The following DGCR8 variants were observed in gnomAD, a reference collection of about 807,000 sequenced individuals.
The protein encoded by DGCR8 is DGCR8 microprocessor complex subunit.
In DGCR8, 14 loss-of-function variants were observed where a neutral mutation model predicts 78.5. That is an observed-to-expected ratio of 0.18 (90% confidence interval 0.12 to 0.28). The LOEUF is 0.28. Among genes scored for constraint, DGCR8 ranks in the 10% least tolerant of loss-of-function variants. The pLI is 1.00. For missense variants in DGCR8, 702 were observed against 1,022.5 expected (o/e 0.69, Z 4.28); for synonymous variants, 399 against 402.4 (o/e 0.99, Z 0.10).
chr22:20,093,475 C>T (rs1340843972), intron 8 of DGCR8, among the ~76,000 whole-genome samples: 1 of 152,116 alleles, frequency 6.6e-6, no homozygotes, highest in Non-Finnish European at 1.5e-5. Context: ...AGTCCTGGCC[C>T]TGCACATATT....
In DGCR8 at chr22:20,110,861, T is replaced by A. The variant is rs569220276; in HGVS notation, c.*753T>A. The A allele has an allele frequency of 2.5e-5, 6 of 242,050 alleles. No individual in the cohort carries two copies. Among genetic ancestry groups the A allele is most frequent in the South Asian group, 3.5e-4 (2 of 5,636 alleles). The allele number at this position is 242,050 out of a possible 1,614,324, so 15.0% of individuals were successfully genotyped here. On this transcript the variant is annotated 3_prime_UTR_variant, in exon 14 of 14. Transcript: ENST00000351989. The stretch of plus-strand genomic sequence containing the variant: ...TCCCTAAAAGCGCCTCTTTGGACAC[T>A]GAGGCCCTCTCTGCCTTTCCTGGCC...
At position 20,089,089 on chromosome 22, in the gene DGCR8, G is replaced by T. The variant is rs1472783256; in HGVS notation, c.881-580G>T. Among the ~76,000 whole-genome samples, 1 of 152,244 alleles carries T rather than the reference G, an allele frequency of 6.6e-6. No homozygotes were observed. Among genetic ancestry groups the T allele is most frequent in the Non-Finnish European group, 1.5e-5 (1 of 68,044 alleles). ...GCCTTACGCTCTTCCCAGCAGTCAG[G>T]CCTGGTGGCAGGTGTCAAGTTGATA... is the stretch of plus-strand genomic sequence containing the variant. On this transcript the variant is annotated intron_variant, in intron 3 of 13. Transcript: ENST00000351989. This position sits in a 1 kb window ranked among gnomAD's most constrained non-coding sequence, Gnocchi z 4.9.
At chr22:20,103,616 G>T (rs567237881) in intron 9 of DGCR8, among the ~76,000 whole-genome samples, 1 of 152,088 alleles carries the variant, frequency 6.6e-6, no homozygotes, top group African/African-American at 2.4e-5. Flanking sequence ...GTTCCCTGCT[G>T]CATCTGTGTT....
chr22:20,089,958 C>G lies in DGCR8; in HGVS notation c.1024-18C>G, dbSNP rs566631196. 2 of 1,597,334 alleles carry G rather than the reference C, an allele frequency of 1.3e-6. No homozygotes were observed. The highest frequency in any genetic ancestry group is 3.4e-5 in the Admixed American group (2 of 58,412). ...CGGGTTGTCCTTGTAATCCATATTG[C>G]AATTTCACTATCCACAGAAACACGA... On this transcript the variant is annotated intron_variant, in intron 4 of 13. Coordinates refer to ENST00000351989, the MANE Select transcript of DGCR8 (RefSeq NM_022720.7). The surrounding 1 kb of genome is among the most constrained non-coding windows in gnomAD (Gnocchi z 4.9).
Position 20,090,162 on chromosome 22 carries a change from C to A in DGCR8, c.1210C>A (p.Pro404Thr), listed in dbSNP as rs754864266. 3.1e-6 allele frequency: 5 copies of A among 1,614,196 alleles called. No individual in the cohort carries two copies. In the Admixed American group the frequency reaches 8.3e-5, roughly 27 times the overall value. ...EPDSMGADPG[P>T]PDEKDPLGAE... ...TGACTCTATGGGTGCTGACCCGGGG[C>A]CCCCGGACGAGAAAGACCCACTAGG... Residue 404 changes from proline (P) to threonine (T), a missense_variant, in exon 5 of 14, where the codon CCC (proline) becomes ACC (threonine). Pro to Thr is a conservative substitution (Grantham distance 38). Around this residue, in one of 4 missense-constraint regions of DGCR8, gnomAD observed 119 missense variants for 126.1 expected, o/e 0.94. Coordinates refer to ENST00000351989, the MANE Select transcript of DGCR8 (RefSeq NM_022720.7).
At chr22:20,098,874 A>G (rs1385912127) in intron 9 of DGCR8, among the ~76,000 whole-genome samples, 1 of 152,202 alleles carries the variant, frequency 6.6e-6, no homozygotes, top group Non-Finnish European at 1.5e-5. Flanking sequence ...CTTGTCTCCA[A>G]ATACTGTTGC....
intron 8 of DGCR8, among the ~76,000 whole-genome samples, chr22:20,094,080 T>G (rs2049598605): frequency 6.6e-6 from 1 of 152,206 alleles, no homozygotes; most frequent in Admixed American, 6.5e-5. Context: ...TGCTCTTCCC[T>G]CTGCGGGATC....
In DGCR8 at chr22:20,089,751, C is replaced by T; in HGVS notation, c.963C>T (p.His321=). Reference sequence around the variant, plus strand: ...ACTCTGGAGTCCCGGTGTACCTACACAGAGAGTCTCGGGTGGTCACCTGGT... The same window carrying T: ...ACTCTGGAGTCCCGGTGTACCTACATAGAGAGTCTCGGGTGGTCACCTGGT... ...FHNSGVPVYL[H]RESRVVTWSR... Residue 321 remains histidine, a synonymous_variant, in exon 4 of 14, where the codon CAC becomes CAT. Transcript: ENST00000351989. This position sits in a 1 kb window ranked among gnomAD's most constrained non-coding sequence, Gnocchi z 4.9. The T allele has an allele frequency of 6.2e-7, 1 of 1,613,980 alleles. No homozygotes were observed. Among genetic ancestry groups the T allele is most frequent in the Non-Finnish European group, 8.5e-7 (1 of 1,180,008 alleles).
rs759153668 is a variant in DGCR8, at chr22:20,092,792, G to C, written c.1607-17G>C. 13 of 1,603,156 alleles carry C rather than the reference G, an allele frequency of 8.1e-6. No homozygotes were observed. The Admixed American group carries it at 2.2e-4, about 27-fold the overall frequency. Reference sequence around the variant, plus strand: ...TCTTGACTCGTATGTTTTAAAACAAGTAATTTTAATTTTAAGAGAACCCAA... The same window carrying C: ...TCTTGACTCGTATGTTTTAAAACAACTAATTTTAATTTTAAGAGAACCCAA... On this transcript the variant is annotated splice_polypyrimidine_tract_variant and intron_variant, in intron 7 of 13. Coordinates refer to ENST00000351989, the MANE Select transcript of DGCR8 (RefSeq NM_022720.7).
chr22:20,083,742 T>C (rs2049444416), intron 1 of DGCR8, among the ~76,000 whole-genome samples: 1 of 152,160 alleles, frequency 6.6e-6, no homozygotes, highest in African/African-American at 2.4e-5. Context: ...TGTGTGGCCC[T>C]GGTCTTCCTT....
chr22:20,107,183 TG>T, intron 11 of DGCR8, 87 bp from the exon 12 acceptor site: 1 of 1,505,806 alleles, frequency 6.6e-7, no homozygotes, highest in Non-Finnish European at 9.2e-7. Flanking sequence ...CCTCGGGGTG[TG>T]GGTCAGGAGG....
chr22:20,083,219 C>T (rs2049437521), intron 1 of DGCR8, among the ~76,000 whole-genome samples: 1 of 152,126 alleles, frequency 6.6e-6, no homozygotes, highest in Non-Finnish European at 1.5e-5. Context: ...TCTTCAGGCG[C>T]TTTCCTTGTT....
chr22:20,086,919 C>T lies in DGCR8; in HGVS notation c.720+236C>T, dbSNP rs1317152676. 1.5e-5 allele frequency: 11 copies of T among 724,538 alleles called. No homozygotes were observed. The highest frequency in any genetic ancestry group is 7.9e-5 in the South Asian group (4 of 50,504). The allele number at this position is 724,538 out of a possible 1,614,324, so 44.9% of individuals were successfully genotyped here. A position where few individuals can be genotyped will look rare whatever the true frequency, so the allele number is the denominator to read the frequency against. On this transcript the variant is annotated intron_variant, in intron 2 of 13. Transcript: ENST00000351989. This position sits in a 1 kb window ranked among gnomAD's most constrained non-coding sequence, Gnocchi z 6.4. ...TAGGCCCTGCATCCCTGATCTAGCGCGTGGGGCAGCAGGTGCTGCTGAGTT... is the reference window on the plus strand; with the variant it reads ...TAGGCCCTGCATCCCTGATCTAGCGTGTGGGGCAGCAGGTGCTGCTGAGTT...
At chr22:20,084,522 G>C (rs910568664) in intron 1 of DGCR8, among the ~76,000 whole-genome samples, 2 of 152,138 alleles carry the variant, frequency 1.3e-5, no homozygotes, top group Non-Finnish European at 2.9e-5. Context: ...CCTCATCTCT[G>C]GGTGGCCTTC....
At position 20,091,562 on chromosome 22, in the gene DGCR8, C is replaced by G; in HGVS notation, c.1434C>G (p.Ser478=). The G allele has an allele frequency of 6.2e-7, 1 of 1,614,166 alleles. No individual in the cohort carries two copies. The highest frequency in any genetic ancestry group is 8.5e-7 in the Non-Finnish European group (1 of 1,180,030). The change falls in exon 6 of 14, where the codon TCC becomes TCG. Residue 478 remains serine, a synonymous_variant. Transcript: ENST00000351989. ...AAATGAAGCGGAAGCAGGCGGAGTC[C>G]GAGAGGCCCATCTTGCCAGCCAATC... ...NREMKRKQAE[S]ERPILPANQK...
chr22:20,098,758 G>C (rs1456981394), intron 9 of DGCR8, among the ~76,000 whole-genome samples: 1 of 152,174 alleles, frequency 6.6e-6, no homozygotes, highest in Non-Finnish European at 1.5e-5. Context: ...CTTTCTCTCT[G>C]TGTGCATGCT....
Position 20,086,719 on chromosome 22 carries a change from C to A in DGCR8, c.720+36C>A. On this transcript the variant is annotated intron_variant, in intron 2 of 13. Coordinates refer to ENST00000351989, the MANE Select transcript of DGCR8 (RefSeq NM_022720.7). This position sits in a 1 kb window ranked among gnomAD's most constrained non-coding sequence, Gnocchi z 6.4. ...AGCCCCTCCTCTAGAGGGCTCTTAG[C>A]AAAACCCAAAGAGAGATTTGGGAAT... 4.6e-6 allele frequency: 7 copies of A among 1,520,478 alleles called. No homozygotes were observed. Among genetic ancestry groups the A allele is most frequent in the East Asian group, 2.3e-5 (1 of 43,196 alleles). The allele number at this position is 1,520,478 out of a possible 1,614,324, so 94.2% of individuals were successfully genotyped here.
At chr22:20,101,727 G>A (rs564277063) in intron 9 of DGCR8, 179 of 985,254 alleles carry the variant, frequency 1.8e-4, no homozygotes, top group Non-Finnish European at 2.0e-4. Flanking sequence ...CTATTTGCTG[G>A]TCCTCCCTAG....
In DGCR8 at chr22:20,092,866, C is replaced by T. The variant is rs1467820217; in HGVS notation, c.1664C>T (p.Ser555Phe). 6.2e-7 allele frequency: 1 copy of T among 1,613,624 alleles called. No individual in the cohort carries two copies. The highest frequency in any genetic ancestry group is 1.3e-5 in the African/African-American group (1 of 74,886). Residue 555 changes from serine to phenylalanine, a missense_variant, in exon 8 of 14, where the codon TCT becomes TTT. Physicochemically the swap from Ser to Phe is radical, Grantham distance 155 (BLOSUM62 -2). Around this residue, in one of 4 missense-constraint regions of DGCR8, gnomAD observed 225 missense variants for 427.7 expected, o/e 0.53. Coordinates refer to ENST00000351989, the MANE Select transcript of DGCR8 (RefSeq NM_022720.7). ...SVTIDGVTYG[S>F]GTASSKKLAK... ...ACCATTGATGGTGTGACTTACGGAT[C>T]TGGAACTGCAAGCAGCAAAAAACTT...
Sources: allele counts gnomAD v4.1 joint callset (sites outside exome capture counted in the v4.1 genomes callset), GRCh38; gene constraint gnomAD v4.1.1; regional missense constraint gnomAD v4.1.1; non-coding constraint Gnocchi (gnomAD v3.1); transcripts MANE v1.5; gene names NCBI Gene and HGNC (gene_info 2026-07-23, HGNC 2026-07-21).